The following SLC24A2 variants were observed in gnomAD, a reference collection of about 807,000 sequenced individuals.
SLC24A2 encodes the protein solute carrier family 24 member 2.
A neutral mutation model predicts 62.0 loss-of-function variants in SLC24A2; 36 were observed. That is an observed-to-expected ratio of 0.58 (90% CI 0.44 to 0.77). The LOEUF (loss-of-function observed/expected upper bound fraction) is 0.77, where lower values mean the gene tolerates loss of function less well. Ranked by LOEUF, SLC24A2 falls within the 30% of genes least tolerant of loss-of-function variation. The pLI, the probability that SLC24A2 is intolerant of heterozygous loss-of-function variation, is 0.00. For missense variants in SLC24A2, 846 were observed against 817.9 expected, an observed-to-expected ratio of 1.03 and a Z score of -0.42; for synonymous variants, 358 against 294.0, an observed-to-expected ratio of 1.22 and a Z score of -2.23.
chr9:19,980,867 G>C, the SLC24A2 span, among the ~76,000 whole-genome samples: 1 of 152,162 alleles, frequency 6.6e-6, no homozygotes, highest in African/African-American at 2.4e-5. Flanking sequence ...CTCCTACTTT[G>C]AGTGAAGGAA....
chr9:19,695,277 A>G (rs1820154926), intron 2 of SLC24A2, among the ~76,000 whole-genome samples: 1 of 152,110 alleles, frequency 6.6e-6, no homozygotes, highest in Non-Finnish European at 1.5e-5. Flanking sequence ...ACCCTGTAAT[A>G]GAGTGAAGCC....
In SLC24A2 at chr9:19,636,363, CTTT is replaced by C. The variant is rs1465654488; in HGVS notation, c.931-14067_931-14065del. Among the ~76,000 whole-genome samples, 13 of 35,622 alleles carry C rather than the reference CTTT, an allele frequency of 3.6e-4. 3 individuals are homozygous for C. The highest frequency in any genetic ancestry group is 6.7e-4 in the Admixed American group (2 of 2,970). The allele number at this position is 35,622 out of a possible 152,430, so 23.4% of individuals were successfully genotyped here. ...TCTTTCTTTCTTTCTTTCTTTCTTT[CTTT>C]CTTTCTTTCTTTCTTTCTTTCTCCC... On this transcript the variant is annotated intron_variant, in intron 2 of 10. Coordinates refer to ENST00000341998, the MANE Select transcript of SLC24A2 (RefSeq NM_020344.4).
the SLC24A2 span, among the ~76,000 whole-genome samples, chr9:20,191,552 C>G: frequency 1.3e-5 from 2 of 151,734 alleles, no homozygotes; most frequent in Admixed American, 6.6e-5. Context: ...AGTTTATTCC[C>G]TATGGCTAGG....
At chr9:19,834,364 G>A in the SLC24A2 span, among the ~76,000 whole-genome samples, 2 of 152,134 alleles carry the variant, frequency 1.3e-5, no homozygotes, top group African/African-American at 2.4e-5. Context: ...AATAACCAAT[G>A]CAGAGAAGTC....
At chr9:20,084,455 CTTTCCTTCCTTCT>C in the SLC24A2 span, among the ~76,000 whole-genome samples, 7 of 151,708 alleles carry the variant, frequency 4.6e-5, no homozygotes, top group East Asian at 3.9e-4. Context: ...TCCTTCCTTC[CTTTCCTTCCTTCT>C]TTTCCTTTCC....
Position 19,788,980 on chromosome 9 carries a change from G to A in SLC24A2, c.-249C>T. The A allele has an allele frequency of 1.0e-6, 1 of 981,146 alleles. No homozygotes were observed. The highest frequency in any genetic ancestry group is 1.2e-6 in the Non-Finnish European group (1 of 825,980). The allele number at this position is 981,146 out of a possible 1,614,324, so 60.8% of individuals were successfully genotyped here. A position where few individuals can be genotyped will look rare whatever the true frequency, so the allele number is the denominator to read the frequency against. On this transcript the variant is annotated 5_prime_UTR_variant, in exon 1 of 11. Transcript: ENST00000341998. ...CTCCGCCTACCCGCTCTGAGGCCCG[G>A]GCTCTGGCTCGCACTGGCTGCCGCT...
the SLC24A2 span, among the ~76,000 whole-genome samples, chr9:19,853,864 A>G: frequency 6.6e-6 from 1 of 152,242 alleles, no homozygotes; most frequent in African/African-American, 2.4e-5. Flanking sequence ...TGTTTGGAAT[A>G]GTTTCAGAGG....
At chr9:20,175,387 A>G in the SLC24A2 span, among the ~76,000 whole-genome samples, 1 of 152,044 alleles carries the variant, frequency 6.6e-6, no homozygotes, top group South Asian at 2.1e-4. Context: ...TGTGGGAAAA[A>G]AGAATTTAAG....
At chr9:20,196,955 A>G in the SLC24A2 span, among the ~76,000 whole-genome samples, 2 of 152,264 alleles carry the variant, frequency 1.3e-5, no homozygotes, top group African/African-American at 4.8e-5. Context: ...CATTATATAA[A>G]CAAGGCATTG....
chr9:19,885,516 A>G, the SLC24A2 span, among the ~76,000 whole-genome samples: 3 of 152,204 alleles, frequency 2.0e-5, no homozygotes, highest in Admixed American at 6.5e-5. Context: ...CCCATTTTAT[A>G]GATGAGGAAA....
the SLC24A2 span, among the ~76,000 whole-genome samples, chr9:19,900,226 A>G: frequency 6.6e-6 from 1 of 152,226 alleles, no homozygotes; most frequent in Non-Finnish European, 1.5e-5. Context: ...TCATTTAGCC[A>G]GTTCTGATGT....
the SLC24A2 span, among the ~76,000 whole-genome samples, chr9:20,246,463 A>C: frequency 6.6e-6 from 1 of 152,238 alleles, no homozygotes; most frequent in African/African-American, 2.4e-5. Flanking sequence ...TAAACATGCA[A>C]ACATTCAGTC....
chr9:20,019,636 A>T, the SLC24A2 span, among the ~76,000 whole-genome samples: 1 of 152,230 alleles, frequency 6.6e-6, no homozygotes, highest in Non-Finnish European at 1.5e-5. Flanking sequence ...AAACCTAGGC[A>T]ATACTATTCA....
At chr9:20,132,043 A>G in the SLC24A2 span, among the ~76,000 whole-genome samples, 3 of 152,086 alleles carry the variant, frequency 2.0e-5, no homozygotes, top group South Asian at 2.1e-4. Context: ...CCATACTATT[A>G]ATACTGTAAA....
At chr9:19,795,594 G>A in the SLC24A2 span, among the ~76,000 whole-genome samples, 7,769 of 151,852 alleles carry the variant, frequency 0.051, 233 homozygotes, top group African/African-American at 0.08. Context: ...CAGGTACTTA[G>A]GACCATCTTT....
chr9:20,098,713 A>G, the SLC24A2 span, among the ~76,000 whole-genome samples: 18,236 of 152,240 alleles, frequency 0.12, 1,223 homozygotes, highest in Middle Eastern at 0.17. Flanking sequence ...CCTGTATGCA[A>G]GTGATTTCTG....
the SLC24A2 span, among the ~76,000 whole-genome samples, chr9:20,247,365 T>A: frequency 2.0e-5 from 3 of 152,074 alleles, no homozygotes; most frequent in Non-Finnish European, 4.4e-5. Context: ...GTGGTCTGAA[T>A]GTGCATGTCC....
the SLC24A2 span, among the ~76,000 whole-genome samples, chr9:19,996,052 G>A: frequency 2.0e-5 from 3 of 152,204 alleles, no homozygotes; most frequent in Non-Finnish European, 4.4e-5. Context: ...CAGAGACATA[G>A]AGCTAGAAGA....
the SLC24A2 span, among the ~76,000 whole-genome samples, chr9:20,021,079 A>T: frequency 6.6e-6 from 1 of 152,218 alleles, no homozygotes; most frequent in Non-Finnish European, 1.5e-5. Context: ...CATATAAATT[A>T]TACATGTGTA....
Sources: gnomAD v4.1 joint callset for allele counts (sites outside exome capture counted in the v4.1 genomes callset) on GRCh38, gnomAD v4.1.1 for gene constraint, MANE v1.5 for transcripts, NCBI Gene and HGNC (gene_info 2026-07-23, HGNC 2026-07-21) for gene names.